ZNF536: variants seen among roughly 807,000 people sequenced by gnomAD.
The protein encoded by ZNF536 is zinc finger protein 536.
Under a neutral mutation model 84.5 loss-of-function variants are expected in ZNF536, and 13 were observed. That is an observed-to-expected ratio of 0.15 (90% confidence interval 0.10 to 0.24). ZNF536 has a LOEUF of 0.24. Among genes scored for constraint, ZNF536 ranks in the 10% least tolerant of loss-of-function variants. The pLI, the probability that ZNF536 is intolerant of heterozygous loss-of-function variation, is 1.00. For missense variants in ZNF536, 1,536 were observed against 1,747.5 expected, an observed-to-expected ratio of 0.88 and a Z score of 2.16; for synonymous variants, 811 against 742.5, an observed-to-expected ratio of 1.09 and a Z score of -1.50.
At chr19:30,394,566 T>C (rs569547545) in intron 1 of ZNF536, among the ~76,000 whole-genome samples, 1 of 152,186 alleles carries the variant, frequency 6.6e-6, no homozygotes, top group Admixed American at 6.5e-5. Flanking sequence ...CCTTCCCCAT[T>C]CTATGCACCA....
chr19:30,272,102 G>A (rs2025886991), intron 1 of ZNF536, among the ~76,000 whole-genome samples: 1 of 152,230 alleles, frequency 6.6e-6, no homozygotes, highest in Non-Finnish European at 1.5e-5. Flanking sequence ...GCACTGGAGA[G>A]ATTTCCTGAT....
At chr19:30,615,417 T>A (rs1296610452) in intron 1 of ZNF536, among the ~76,000 whole-genome samples, 1 of 152,152 alleles carries the variant, frequency 6.6e-6, no homozygotes, top group African/African-American at 2.4e-5. Context: ...AAAGCCACCT[T>A]TATTATTTAT....
chr19:30,635,068 GT>G (rs1281818037), intron 1 of ZNF536, among the ~76,000 whole-genome samples: 149 of 31,704 alleles, frequency 4.7e-3, no homozygotes, highest in Middle Eastern at 0.021. Context: ...AGAAAGCTGG[GT>G]GTGTGTGTGT....
intron 1 of ZNF536, among the ~76,000 whole-genome samples, chr19:30,687,261 TTTAA>T (rs1289996222): frequency 6.6e-6 from 1 of 152,170 alleles, no homozygotes; most frequent in Non-Finnish European, 1.5e-5. Flanking sequence ...TGAAACAAAA[TTTAA>T]TTAAAATTAA....
intron 3 of ZNF536, among the ~76,000 whole-genome samples, chr19:30,361,208 C>T (rs2048264253): frequency 6.6e-6 from 1 of 152,180 alleles, no homozygotes; most frequent in Non-Finnish European, 1.5e-5. Flanking sequence ...TAAATTTAAC[C>T]CTTCTTGCCA....
intron 2 of ZNF536, among the ~76,000 whole-genome samples, chr19:30,531,666 C>T (rs2145885378): frequency 6.6e-6 from 1 of 152,158 alleles, no homozygotes; most frequent in East Asian, 1.9e-4. Context: ...GCTGTGTTAC[C>T]CAGGCTGGAG....
At chr19:30,365,276 T>C (rs2048390007) in intron 3 of ZNF536, among the ~76,000 whole-genome samples, 1 of 152,170 alleles carries the variant, frequency 6.6e-6, no homozygotes, top group Non-Finnish European at 1.5e-5. Flanking sequence ...GTTCTTTCTC[T>C]TCTTCATCTT....
chr19:30,689,664 C>A (rs2147894655), intron 1 of ZNF536, among the ~76,000 whole-genome samples: 1 of 152,278 alleles, frequency 6.6e-6, no homozygotes, highest in Non-Finnish European at 1.5e-5. Context: ...TTGGAGTGAC[C>A]AGCAGGGACC....
intron 1 of ZNF536, among the ~76,000 whole-genome samples, chr19:30,385,441 T>A (rs767284225): frequency 1.3e-5 from 2 of 152,114 alleles, no homozygotes; most frequent in South Asian, 4.1e-4. Context: ...TAACGACCGT[T>A]ACCCTGGTTG....
At chr19:30,295,874 G>A (rs539159964) in intron 2 of ZNF536, among the ~76,000 whole-genome samples, 2 of 152,208 alleles carry the variant, frequency 1.3e-5, no homozygotes, top group African/African-American at 4.8e-5. Flanking sequence ...AGATGTGGCC[G>A]TGTTTGCTCC....
At chr19:30,258,437 C>T (rs2025023754) in intron 1 of ZNF536, among the ~76,000 whole-genome samples, 1 of 152,130 alleles carries the variant, frequency 6.6e-6, no homozygotes, top group Non-Finnish European at 1.5e-5. Flanking sequence ...AAAAATTGTT[C>T]AATATGTAGT....
At chr19:30,611,485 A>T (rs1160511212) in intron 1 of ZNF536, among the ~76,000 whole-genome samples, 1 of 152,246 alleles carries the variant, frequency 6.6e-6, no homozygotes, top group African/African-American at 2.4e-5. Context: ...ATATGCAGTC[A>T]TATGAACCAT....
chr19:30,533,260 C>T (rs2044927741), intron 2 of ZNF536, among the ~76,000 whole-genome samples: 1 of 152,084 alleles, frequency 6.6e-6, no homozygotes. Flanking sequence ...GTGGCTTATG[C>T]CTATAATCCT....
At chr19:30,312,979 A>G (rs557254917) in intron 2 of ZNF536, among the ~76,000 whole-genome samples, 16 of 152,320 alleles carry the variant, frequency 1.1e-4, no homozygotes, top group African/African-American at 3.8e-4. Flanking sequence ...TGATGGCCAC[A>G]CTTCCCATAC....
At chr19:30,370,575 T>A (rs1165871084), upstream of ZNF536, among the ~76,000 whole-genome samples, 4 of 152,188 alleles carry the variant, frequency 2.6e-5, no homozygotes, top group African/African-American at 7.2e-5. Flanking sequence ...GGAAAAAAAC[T>A]AATTTAAACA....
intron 1 of ZNF536, among the ~76,000 whole-genome samples, chr19:30,670,113 G>A (rs2050486870): frequency 1.3e-5 from 2 of 152,220 alleles, no homozygotes; most frequent in African/African-American, 2.4e-5. Context: ...GCGTCTTGTG[G>A]CTAGGTGCCA....
At chr19:30,615,451 T>TAAAATAG (rs1173493570) in intron 1 of ZNF536, among the ~76,000 whole-genome samples, 1 of 152,210 alleles carries the variant, frequency 6.6e-6, no homozygotes, top group Non-Finnish European at 1.5e-5. Flanking sequence ...GAGTTTACCC[T>TAAAATAG]AGTTCAGTAT....
intron 1 of ZNF536, among the ~76,000 whole-genome samples, chr19:30,252,344 G>A (rs1325441595): frequency 6.6e-6 from 1 of 152,106 alleles, no homozygotes; most frequent in Non-Finnish European, 1.5e-5. Context: ...AATTCTTGTT[G>A]GCCCTGGCTG....
At chr19:30,666,043 C>T (rs1483404203) in intron 1 of ZNF536, among the ~76,000 whole-genome samples, 4 of 152,162 alleles carry the variant, frequency 2.6e-5, no homozygotes, top group African/African-American at 9.7e-5. Context: ...GAGGGACCCT[C>T]GATACATCTC....
Sources: allele counts gnomAD v4.1 joint callset (sites outside exome capture counted in the v4.1 genomes callset), GRCh38; gene constraint gnomAD v4.1.1; transcripts MANE v1.5; gene names NCBI Gene and HGNC (gene_info 2026-07-23, HGNC 2026-07-21).